The following CSGALNACT1 variants were observed in gnomAD, a reference collection of about 807,000 sequenced individuals.
CSGALNACT1 encodes chondroitin sulfate N-acetylgalactosaminyltransferase 1.
Under a neutral mutation model 51.0 loss-of-function variants are expected in CSGALNACT1, and 52 were observed. That is an observed-to-expected ratio of 1.02 (90% confidence interval 0.82 to 1.29). The LOEUF is 1.29. Ranked by LOEUF, CSGALNACT1 falls within the 50% of genes most tolerant of loss-of-function variation. The probability of loss-of-function intolerance (pLI) is 0.00; values close to 1 mark genes in which losing one functional copy is unlikely to be tolerated. For missense variants in CSGALNACT1, 935 were observed against 679.2 expected, an observed-to-expected ratio of 1.38 and a Z score of -4.19; for synonymous variants, 341 against 254.4, an observed-to-expected ratio of 1.34 and a Z score of -3.24.
chr8:19,719,414 C>T (rs1011021007), intron 1 of CSGALNACT1, among the ~76,000 whole-genome samples: 2 of 152,168 alleles, frequency 1.3e-5, no homozygotes, highest in South Asian at 4.1e-4. Flanking sequence ...GAAATAGGCA[C>T]ACATTCTTCA....
intron 1 of CSGALNACT1, among the ~76,000 whole-genome samples, chr8:19,700,369 T>C (rs1564445262): frequency 6.6e-6 from 1 of 152,136 alleles, no homozygotes; most frequent in Non-Finnish European, 1.5e-5. Flanking sequence ...TGTCCTTCCT[T>C]ATTAATAAAC....
rs139895075 is a variant in CSGALNACT1, at chr8:19,569,105, C to T, written c.-297+22055G>A. 1.7e-3 allele frequency among the ~76,000 whole-genome samples: 265 copies of T among 152,280 alleles called. 2 individuals are homozygous for T. Among genetic ancestry groups the T allele is most frequent in the African/African-American group, 6.1e-3 (255 of 41,564 alleles). ...ATAATGTAGAAAAGAAATGAGAGAGCTTTTAAGGAGACAGATATGGAGTAC... is the reference window on the plus strand; with the variant it reads ...ATAATGTAGAAAAGAAATGAGAGAGTTTTTAAGGAGACAGATATGGAGTAC... On this transcript the variant is annotated intron_variant, in intron 3 of 9. Coordinates refer to ENST00000454498, the Ensembl canonical transcript of CSGALNACT1.
At chr8:19,662,689 A>C (rs1175781493) in intron 1 of CSGALNACT1, among the ~76,000 whole-genome samples, 1 of 152,210 alleles carries the variant, frequency 6.6e-6, no homozygotes, top group African/African-American at 2.4e-5. Context: ...TGTGTGTGGT[A>C]AACAAATCTG....
chr8:19,510,536 C>T (rs1202632970), intron 3 of CSGALNACT1, among the ~76,000 whole-genome samples: 2 of 152,068 alleles, frequency 1.3e-5, no homozygotes, highest in East Asian at 1.9e-4. Flanking sequence ...AAAAGGTGAA[C>T]CAAGAACAAA....
intron 1 of CSGALNACT1, among the ~76,000 whole-genome samples, chr8:19,748,013 TCTC>T (rs2064788615): frequency 6.6e-6 from 1 of 151,810 alleles, no homozygotes; most frequent in Non-Finnish European, 1.5e-5. Flanking sequence ...AAAATACAAG[TCTC>T]CTCCCTTGTT....
intron 1 of CSGALNACT1, among the ~76,000 whole-genome samples, chr8:19,704,352 T>G (rs1471636394): frequency 1.3e-5 from 2 of 152,226 alleles, no homozygotes; most frequent in Non-Finnish European, 2.9e-5. Context: ...AAAATAAATT[T>G]CTTGCATATC....
At chr8:19,703,560 C>T (rs919025060) in intron 1 of CSGALNACT1, among the ~76,000 whole-genome samples, 6 of 152,168 alleles carry the variant, frequency 3.9e-5, no homozygotes, top group African/African-American at 4.8e-5. Context: ...GCCTGGGCCT[C>T]CCAAAGTGCT....
At chr8:19,699,839 C>A (rs905673553) in intron 1 of CSGALNACT1, among the ~76,000 whole-genome samples, 1 of 152,012 alleles carries the variant, frequency 6.6e-6, no homozygotes. Flanking sequence ...GGGCTGGGCA[C>A]GGTGGCTCAG....
intron 2 of CSGALNACT1, among the ~76,000 whole-genome samples, chr8:19,595,020 T>G (rs1483599535): frequency 2.0e-5 from 3 of 152,226 alleles, no homozygotes; most frequent in Non-Finnish European, 2.9e-5. Context: ...ATATGAGATT[T>G]TGTGTCTGCG....
At chr8:19,413,071 G>A (rs772862097) in intron 8 of CSGALNACT1, among the ~76,000 whole-genome samples, 1 of 152,186 alleles carries the variant, frequency 6.6e-6, no homozygotes, top group Non-Finnish European at 1.5e-5. Context: ...ACTCATTTAA[G>A]AACACAGTCA....
intron 1 of CSGALNACT1, among the ~76,000 whole-genome samples, chr8:19,630,194 CTGTGTGTGTGTGTGTGTGTGTG>C (rs55947851): frequency 0.018 from 2,466 of 137,890 alleles, 26 homozygotes; most frequent in African/African-American, 0.026. Flanking sequence ...TCCCACGTCT[CTGTGTGTGTGTGTGTGTGTGTG>C]TGTGTGTGTG....
At chr8:19,570,083 T>TG (rs2042685294) in intron 3 of CSGALNACT1, among the ~76,000 whole-genome samples, 1 of 148,708 alleles carries the variant, frequency 6.7e-6, no homozygotes, top group Non-Finnish European at 1.5e-5. Context: ...GAGGGTAGAT[T>TG]GGGGGCCTAT....
rs79763544 is a variant in CSGALNACT1, at chr8:19,607,650, G to C, written c.-543-5785C>G. Among the ~76,000 whole-genome samples, 1,375 of 152,304 alleles carry C rather than the reference G, an allele frequency of 9.0e-3. 19 individuals are homozygous for C. Among genetic ancestry groups the C allele is most frequent in the African/African-American group, 0.031 (1,282 of 41,550 alleles). ...GCCATCACAGAGCCTAATGAGGCCT[G>C]AACAGTGTTTCAGGGATATCAGCTG... On this transcript the variant is annotated intron_variant, in intron 1 of 9. Transcript: ENST00000332246.
At chr8:19,447,021 T>C (rs1443173408) in intron 5 of CSGALNACT1, among the ~76,000 whole-genome samples, 1 of 152,208 alleles carries the variant, frequency 6.6e-6, no homozygotes, top group African/African-American at 2.4e-5. Flanking sequence ...CCTATATTTC[T>C]GTTTCCCAAG....
intron 1 of CSGALNACT1, among the ~76,000 whole-genome samples, chr8:19,735,158 G>A (rs900827754): frequency 6.6e-6 from 1 of 152,072 alleles, no homozygotes; most frequent in African/African-American, 2.4e-5. Context: ...ATTCAAGAAA[G>A]CAAGTGGAGA....
chr8:19,418,058 C>G (rs2057235148), intron 8 of CSGALNACT1, among the ~76,000 whole-genome samples: 1 of 152,192 alleles, frequency 6.6e-6, no homozygotes, highest in South Asian at 2.1e-4. Context: ...CAGAGAAGTC[C>G]TTCCAATATT....
intron 4 of CSGALNACT1, among the ~76,000 whole-genome samples, chr8:19,468,258 G>A (rs183505652): frequency 6.4e-4 from 97 of 152,274 alleles, no homozygotes; most frequent in African/African-American, 2.1e-3. Context: ...AAAGATAATC[G>A]TGGAAGCAAA....
At chr8:19,624,322 T>G (rs139446918) in intron 1 of CSGALNACT1, among the ~76,000 whole-genome samples, 2 of 152,358 alleles carry the variant, frequency 1.3e-5, no homozygotes, top group Middle Eastern at 3.4e-3. Context: ...TTAAAAAATT[T>G]TGTATTCTCC....
chr8:19,664,255 A>T (rs1427667165), intron 1 of CSGALNACT1, among the ~76,000 whole-genome samples: 1 of 152,216 alleles, frequency 6.6e-6, no homozygotes, highest in African/African-American at 2.4e-5. Flanking sequence ...AGGATGAATA[A>T]ATGGCATTTT....
Sources: gnomAD v4.1 joint callset for allele counts (sites outside exome capture counted in the v4.1 genomes callset) on GRCh38, gnomAD v4.1.1 for gene constraint, MANE v1.5 for transcripts, NCBI Gene and HGNC (gene_info 2026-07-23, HGNC 2026-07-21) for gene names.